Variants in CORIN observed in about 807,000 individuals in gnomAD.
CORIN encodes the protein atrial natriuretic peptide-converting enzyme.
A neutral mutation model predicts 125.3 loss-of-function variants in CORIN; 117 were observed. The ratio of observed to expected loss-of-function variants is 0.93; its 90% CI spans 0.80 to 1.09. The LOEUF (loss-of-function observed/expected upper bound fraction) is 1.09, where lower values mean the gene tolerates loss of function less well. CORIN is among the 50% of genes least tolerant of loss of function. The pLI is 0.00. For synonymous variants in CORIN, 450 were observed against 466.4 expected (o/e 0.96, Z 0.45); for missense variants, 1,253 against 1,306.7 (o/e 0.96, Z 0.63).
chr4:47,707,723 G>T (rs1726641881), intron 5 of CORIN, among the ~76,000 whole-genome samples: 1 of 152,108 alleles, frequency 6.6e-6, no homozygotes, highest in Non-Finnish European at 1.5e-5. Flanking sequence ...GGAAAGGGTG[G>T]CATCTAAAGA....
At chr4:47,785,320 C>G (rs1213881321) in intron 3 of CORIN, among the ~76,000 whole-genome samples, 1 of 152,186 alleles carries the variant, frequency 6.6e-6, no homozygotes, top group East Asian at 1.9e-4. Flanking sequence ...ATTCTGTATT[C>G]CGGAAGGGCA....
intron 1 of CORIN, among the ~76,000 whole-genome samples, chr4:47,836,500 C>G (rs944241314): frequency 6.6e-6 from 1 of 152,164 alleles, no homozygotes; most frequent in South Asian, 2.1e-4. Flanking sequence ...TCGCTTCCAT[C>G]GATAAGTTAC....
At chr4:47,806,711 A>G (rs761544678) in intron 2 of CORIN, among the ~76,000 whole-genome samples, 192 bp downstream of exon 2, 3 of 152,214 alleles carry the variant, frequency 2.0e-5, no homozygotes, top group Non-Finnish European at 2.9e-5. Context: ...AAACTCATTC[A>G]TTAATATTAA....
intron 19 of CORIN, among the ~76,000 whole-genome samples, chr4:47,609,242 T>A (rs1339624965): frequency 6.6e-6 from 1 of 152,048 alleles, no homozygotes; most frequent in Non-Finnish European, 1.5e-5. Context: ...TTTTTATTAT[T>A]TATTTATTTT....
At chr4:47,644,033 G>A (rs1723354766) in intron 14 of CORIN, among the ~76,000 whole-genome samples, 1 of 152,156 alleles carries the variant, frequency 6.6e-6, no homozygotes, top group Non-Finnish European at 1.5e-5. Context: ...CCCTAGCCTG[G>A]GACAGGAACA....
intron 5 of CORIN, among the ~76,000 whole-genome samples, chr4:47,713,707 A>G (rs1441477750): frequency 6.6e-6 from 1 of 152,172 alleles, no homozygotes; most frequent in Non-Finnish European, 1.5e-5. Context: ...TCCCTGCACC[A>G]GTAACTGTAC....
At chr4:47,651,296 G>A (rs187802060) in intron 13 of CORIN, among the ~76,000 whole-genome samples, 36 of 152,352 alleles carry the variant, frequency 2.4e-4, no homozygotes, top group Admixed American at 2.3e-3. Context: ...GAATAAGTCA[G>A]AAAGGCAAGA....
chr4:47,767,281 G>T (rs889097588), intron 3 of CORIN, among the ~76,000 whole-genome samples: 3 of 151,612 alleles, frequency 2.0e-5, no homozygotes, highest in Non-Finnish European at 4.4e-5. Context: ...AGATATTAAA[G>T]ATCTGTATAT....
chr4:47,603,487 C>T lies in CORIN; in HGVS notation c.2722G>A (p.Val908Ile), dbSNP rs199593148. 1.4e-5 allele frequency: 23 copies of T among 1,614,168 alleles called. No individual in the cohort carries two copies. The highest frequency in any genetic ancestry group is 5.3e-5 in the African/African-American group (4 of 75,060). ...GGGTTGGGCAAGCAGACAGGCCGGA[C>T]GTAGCCAGTCTCACTGATGTCTTCA... ...LSEDISETGYVRPVCLPNPEQ... is the reference protein window; with the variant it reads ...LSEDISETGYIRPVCLPNPEQ... The change falls in exon 20 of 22, where the codon GTC becomes ATC. Residue 908 changes from valine to isoleucine, a missense_variant. Val to Ile is a conservative substitution (Grantham distance 29, BLOSUM62 3). Transcript: ENST00000273857.
At chr4:47,714,967 C>A (rs1727019829) in intron 5 of CORIN, among the ~76,000 whole-genome samples, 1 of 152,022 alleles carries the variant, frequency 6.6e-6, no homozygotes, top group Non-Finnish European at 1.5e-5. Flanking sequence ...TTAATAAACA[C>A]AAATCTTGAC....
intron 5 of CORIN, among the ~76,000 whole-genome samples, chr4:47,715,990 T>C (rs927149747): frequency 6.6e-6 from 1 of 152,168 alleles, no homozygotes; most frequent in Admixed American, 6.5e-5. Flanking sequence ...GAAAGGGAAG[T>C]AGAAGAATTT....
chr4:47,754,587 T>C lies in CORIN; in HGVS notation c.617+8792A>G, dbSNP rs192565574. 4.4e-3 allele frequency among the ~76,000 whole-genome samples: 667 copies of C among 152,116 alleles called. 7 individuals carry two copies. Among genetic ancestry groups the C allele is most frequent in the Non-Finnish European group, 4.4e-3 (298 of 68,006 alleles). ...GTAACTTAACACCTAGAGCCTGAAA[T>C]TCTATTTTCTACCATGAACTGTTTA... On this transcript the variant is annotated intron_variant, in intron 4 of 21. Transcript: ENST00000273857.
chr4:47,596,009 G>A (rs951022865), intron 21 of CORIN, 106 bp from the exon 22 acceptor site: 1 of 855,526 alleles, frequency 1.2e-6, no homozygotes, highest in Non-Finnish European at 1.7e-6. Flanking sequence ...TAACCAACTT[G>A]GAAAGTTTCA....
intron 5 of CORIN, among the ~76,000 whole-genome samples, chr4:47,715,611 G>T (rs541282657): frequency 5.9e-5 from 9 of 152,196 alleles, no homozygotes; most frequent in African/African-American, 1.2e-4. Flanking sequence ...AAAAAAAAGG[G>T]GGGGAGCATG....
rs115061807 is a variant in CORIN, at chr4:47,762,954, T to C, written c.617+425A>G. ...ACTCTCTCTAACTCTCTCTAGGTGCTACTGGCCATTATTCCCCTTCAATCT... is the reference window on the plus strand; with the variant it reads ...ACTCTCTCTAACTCTCTCTAGGTGCCACTGGCCATTATTCCCCTTCAATCT... On this transcript the variant is annotated intron_variant, in intron 4 of 21. Transcript: ENST00000273857. 1.6e-3 allele frequency among the ~76,000 whole-genome samples: 239 copies of C among 152,320 alleles called. 3 individuals carry two copies. The highest frequency in any genetic ancestry group is 5.6e-3 in the African/African-American group (231 of 41,578).
intron 12 of CORIN, among the ~76,000 whole-genome samples, chr4:47,660,312 C>A (rs1277627178): frequency 6.6e-6 from 1 of 152,084 alleles, no homozygotes; most frequent in Non-Finnish European, 1.5e-5. Flanking sequence ...GGAACACAGA[C>A]AACCAAAGCA....
At position 47,760,445 on chromosome 4, in the gene CORIN, T is replaced by C. The variant is rs149661974; in HGVS notation, c.617+2934A>G. 2.8e-3 allele frequency among the ~76,000 whole-genome samples: 429 copies of C among 152,338 alleles called. 2 individuals are homozygous for C. Among genetic ancestry groups the C allele is most frequent in the Middle Eastern group, 0.027 (8 of 294 alleles). On this transcript the variant is annotated intron_variant, in intron 4 of 21. Transcript: ENST00000273857. ...CCATTGAGTGTTCTTGGTGCTTTTGTCAAAAACCAGTTTGATGTAAAGGCA... is the reference window on the plus strand; with the variant it reads ...CCATTGAGTGTTCTTGGTGCTTTTGCCAAAAACCAGTTTGATGTAAAGGCA...
intron 3 of CORIN, among the ~76,000 whole-genome samples, chr4:47,780,601 AT>A (rs968334614): frequency 2.0e-5 from 3 of 151,600 alleles, no homozygotes; most frequent in African/African-American, 2.4e-5. Flanking sequence ...GTCAAAGTTA[AT>A]TTTTTTTTAC....
Position 47,687,425 on chromosome 4 carries a change from T to C in CORIN, c.914-3587A>G, listed in dbSNP as rs575594627. ...TTCTTGCTCAATAACAAGCATAATT[T>C]TGCATGGCCTAAGGTAGATGTTTTT... On this transcript the variant is annotated intron_variant, in intron 6 of 21. Coordinates refer to ENST00000273857, the MANE Select transcript of CORIN (RefSeq NM_006587.4). 5.9e-5 allele frequency among the ~76,000 whole-genome samples: 9 copies of C among 152,326 alleles called. No individual in the cohort carries two copies. In the East Asian group the frequency reaches 1.7e-3, roughly 29 times the overall value.
Sources: allele counts gnomAD v4.1 joint callset (sites outside exome capture counted in the v4.1 genomes callset), GRCh38; gene constraint gnomAD v4.1.1; transcripts MANE v1.5; gene names NCBI Gene and HGNC (gene_info 2026-07-23, HGNC 2026-07-21).